COL27A1: variants seen among roughly 807,000 people sequenced by gnomAD.
The protein encoded by COL27A1 is collagen type XXVII alpha 1 chain.
Under a neutral mutation model 251.3 loss-of-function variants are expected in COL27A1, and 106 were observed. That is an observed-to-expected ratio of 0.42 (90% CI 0.36 to 0.50). COL27A1 has a LOEUF of 0.50. Among genes scored for constraint, COL27A1 ranks in the 20% least tolerant of loss-of-function variants. COL27A1 has a pLI of 0.00. For missense variants in COL27A1, 2,325 were observed against 2,522.8 expected (o/e 0.92, Z 1.68); for synonymous variants, 1,000 against 986.3 (o/e 1.01, Z -0.26).
chr9:114,215,150 C>T (rs933236700), intron 12 of COL27A1, among the ~76,000 whole-genome samples: 2 of 152,204 alleles, frequency 1.3e-5, no homozygotes, highest in African/African-American at 4.8e-5. Context: ...GCCCTGGCAC[C>T]GACTCCCTGG....
At chr9:114,267,659 G>C in intron 34 of COL27A1, 102 bp downstream of exon 34, 1 of 1,084,066 alleles carries the variant, frequency 9.2e-7, no homozygotes. Flanking sequence ...TCTTGTGGCT[G>C]GGATAATGGG....
chr9:114,169,150 G>A lies in COL27A1; in HGVS notation c.1595G>A (p.Gly532Glu), dbSNP rs1349250809. The change falls in exon 3 of 61, where the codon GGA becomes GAA. Residue 532 changes from glycine to glutamate, a missense_variant. Coordinates refer to ENST00000356083, the MANE Select transcript of COL27A1 (RefSeq NM_032888.4). ...CCCACTCCTGGCTCAGCTCCCACTGGAAGCAAGAAGCCCATTGGATCGGAA... is the reference window on the plus strand; with the variant it reads ...CCCACTCCTGGCTCAGCTCCCACTGAAAGCAAGAAGCCCATTGGATCGGAA... ...AVPTPGSAPT[G>E]SKKPIGSEAS... 6.2e-6 allele frequency: 10 copies of A among 1,614,084 alleles called. No homozygotes were observed. In the East Asian group the frequency reaches 2.0e-4, roughly 32 times the overall value.
At chr9:114,205,341 G>C (rs1433070498) in intron 8 of COL27A1, among the ~76,000 whole-genome samples, 195 bp downstream of exon 8, 5 of 152,220 alleles carry the variant, frequency 3.3e-5, no homozygotes, top group Admixed American at 6.5e-5. Flanking sequence ...GCCCAAAAGA[G>C]CCAGAGTCCA....
chr9:114,232,439 C>G (rs1372454480), intron 16 of COL27A1, among the ~76,000 whole-genome samples: 2 of 152,192 alleles, frequency 1.3e-5, no homozygotes, highest in African/African-American at 4.8e-5. Context: ...GCCCTGGGGG[C>G]CCAGAGCAAA....
rs1334543071 is a variant in COL27A1 at position 114,264,829 on chromosome 9, C to T, written c.3250-95C>T. 27 of 1,331,534 alleles carry T rather than the reference C, an allele frequency of 2.0e-5. 1 individual carries two copies. Among genetic ancestry groups the T allele is most frequent in the South Asian group, 6.8e-5 (5 of 74,038 alleles). The allele number at this position is 1,331,534 out of a possible 1,614,324, so 82.5% of individuals were successfully genotyped here. A position where few individuals can be genotyped will look rare whatever the true frequency, so the allele number is the denominator to read the frequency against. ...AGGGGGCAGACTCTGTGGCCTCAAACGGGTTCCTTTTATCTCCCATGTGGA... is the reference window on the plus strand; with the variant it reads ...AGGGGGCAGACTCTGTGGCCTCAAATGGGTTCCTTTTATCTCCCATGTGGA... On this transcript the variant is annotated intron_variant, in intron 29 of 60. Coordinates refer to ENST00000356083, the MANE Select transcript of COL27A1 (RefSeq NM_032888.4).
Position 114,155,993 on chromosome 9 carries a change from G to T in COL27A1, c.43G>T (p.Ala15Ser). 1 of 1,295,934 alleles carries T rather than the reference G, an allele frequency of 7.7e-7. No homozygotes were observed. The allele number at this position is 1,295,934 out of a possible 1,614,324, so 80.3% of individuals were successfully genotyped here. A position where few individuals can be genotyped will look rare whatever the true frequency, so the allele number is the denominator to read the frequency against. Residue 15 changes from alanine (A) to serine (S), a missense_variant, in exon 1 of 61, where the codon GCG (alanine) becomes TCG (serine). Physicochemically the swap from Ala to Ser is moderately conservative, Grantham distance 99. Transcript: ENST00000356083. The surrounding 1 kb of genome is among the most constrained non-coding windows in gnomAD (Gnocchi z 5.5). The part of the protein sequence containing the change: ...SARGARGTAA[A>S]AAARGGGFLF... ...GCGGGGGGCCCGAGGCACAGCGGCG[G>T]CGGCGGCGGCGCGCGGGGGGTGAGT... is the stretch of plus-strand genomic sequence containing the variant.
chr9:114,168,549 G>A lies in COL27A1; in HGVS notation c.994G>A (p.Ala332Thr), dbSNP rs759104028. 1.4e-5 allele frequency: 23 copies of A among 1,613,860 alleles called. No individual in the cohort carries two copies. Among genetic ancestry groups the A allele is most frequent in the Non-Finnish European group, 1.8e-5 (21 of 1,179,934 alleles). ...LLPAKLSASNALDPMLPASVG... is the reference protein window; with the variant it reads ...LLPAKLSASNTLDPMLPASVG... Reference sequence around the variant, plus strand: ...ACCTGCCAAGCTGTCAGCCAGTAACGCACTTGATCCCATGCTCCCAGCCTC... The same window carrying A: ...ACCTGCCAAGCTGTCAGCCAGTAACACACTTGATCCCATGCTCCCAGCCTC... The change falls in exon 3 of 61, where the codon GCA becomes ACA. Residue 332 changes from alanine (A) to threonine (T), a missense_variant. By Grantham distance (58) the Ala-to-Thr change is moderately conservative. This residue lies in a region of COL27A1 where 1,183 missense variants were observed against 1,144.1 expected (regional missense o/e 1.03). Coordinates refer to ENST00000356083, the MANE Select transcript of COL27A1 (RefSeq NM_032888.4).
chr9:114,246,099 G>T (rs931482890), intron 24 of COL27A1, 189 bp downstream of exon 24: 4 of 541,262 alleles, frequency 7.4e-6, no homozygotes, highest in Non-Finnish European at 9.8e-6. Context: ...GTCTGTAAAT[G>T]AGAAAGCTGT....
chr9:114,235,523 G>GC (rs1186535822), intron 16 of COL27A1, 76 bp from the exon 17 acceptor site: 2 of 1,120,946 alleles, frequency 1.8e-6, no homozygotes, highest in Non-Finnish European at 2.7e-6. Flanking sequence ...GCTGTACCTC[G>GC]CCAGGGGGTC....
At chr9:114,175,380 T>C (rs1335365863) in intron 3 of COL27A1, among the ~76,000 whole-genome samples, 2 of 152,202 alleles carry the variant, frequency 1.3e-5, no homozygotes, top group Non-Finnish European at 2.9e-5. Context: ...GCAGCGTTTT[T>C]CCACTGCGGA....
chr9:114,226,674 C>T (rs761688988), intron 14 of COL27A1, among the ~76,000 whole-genome samples: 1 of 152,262 alleles, frequency 6.6e-6, no homozygotes, highest in Non-Finnish European at 1.5e-5. Context: ...CCGAACCCGC[C>T]TGGCATTGTT....
intron 23 of COL27A1, among the ~76,000 whole-genome samples, chr9:114,245,148 G>GTTTTT (rs779029948): frequency 3.0e-5 from 3 of 101,334 alleles, no homozygotes; most frequent in African/African-American, 7.7e-5. Context: ...GTGCATTCTT[G>GTTTTT]TTTTTTTTTT....
At chr9:114,157,782 A>T (rs1390918893) in intron 1 of COL27A1, among the ~76,000 whole-genome samples, 5 of 151,678 alleles carry the variant, frequency 3.3e-5, no homozygotes, top group African/African-American at 1.2e-4. Flanking sequence ...TTGAATCCTA[A>T]CTCTGCTGTG....
intron 12 of COL27A1, among the ~76,000 whole-genome samples, chr9:114,215,929 A>T (rs2135363075): frequency 6.6e-6 from 1 of 152,272 alleles, no homozygotes; most frequent in East Asian, 1.9e-4. Context: ...TAGGAGCATG[A>T]GGGGGACTTT....
rs1298186603 is a variant in COL27A1 at position 114,290,946 on chromosome 9, C to T, written c.4476+29C>T. On this transcript the variant is annotated intron_variant, in intron 48 of 60. Coordinates refer to ENST00000356083, the MANE Select transcript of COL27A1 (RefSeq NM_032888.4). This position sits in a 1 kb window ranked among gnomAD's most constrained non-coding sequence, Gnocchi z 4.6. ...AGATACCTCTTAATACACTTACCCA[C>T]CCTCTGCCCTTTCTGCCTTGATGCA... The T allele has an allele frequency of 1.4e-5, 21 of 1,489,258 alleles. No individual in the cohort carries two copies. In the African/African-American group the frequency reaches 2.9e-4, roughly 21 times the overall value. 92.3% of individuals were successfully genotyped at this position (1,489,258 alleles called of 1,614,324 possible).
chr9:114,213,754 A>G (rs1158347617), intron 12 of COL27A1, among the ~76,000 whole-genome samples: 1 of 152,026 alleles, frequency 6.6e-6, no homozygotes, highest in Non-Finnish European at 1.5e-5. Flanking sequence ...GATTATCCCC[A>G]TTTTCCAGAT....
At position 114,167,864 on chromosome 9, in the gene COL27A1, C is replaced by T. The variant is rs767523424; in HGVS notation, c.309C>T (p.Ser103=). ...GCACAGAGCTGGCACTGGTGCTGAG[C>T]CTCTGCTCCCACCGGGTGAACCATG... ...ALGTELALVL[S]LCSHRVNHAF... Residue 103 remains serine, a synonymous_variant, in exon 3 of 61, where the codon AGC becomes AGT. Coordinates refer to ENST00000356083, the MANE Select transcript of COL27A1 (RefSeq NM_032888.4). 6.2e-7 allele frequency: 1 copy of T among 1,613,530 alleles called. No individual in the cohort carries two copies. Among genetic ancestry groups the T allele is most frequent in the Non-Finnish European group, 8.5e-7 (1 of 1,179,994 alleles).
chr9:114,177,112 G>A (rs7875053), intron 3 of COL27A1, among the ~76,000 whole-genome samples: 19,459 of 152,234 alleles, frequency 0.13, 1,352 homozygotes, highest in South Asian at 0.14. Context: ...TTACTCCTTC[G>A]AGGTAAATGC....
chr9:114,240,916 A>G (rs1475843176), intron 21 of COL27A1, among the ~76,000 whole-genome samples: 2 of 152,336 alleles, frequency 1.3e-5, no homozygotes, highest in African/African-American at 2.4e-5. Context: ...CAGGGCTGCA[A>G]TGGGAACCCA....
Sources: allele counts gnomAD v4.1 joint callset (sites outside exome capture counted in the v4.1 genomes callset), GRCh38; gene constraint gnomAD v4.1.1; regional missense constraint gnomAD v4.1.1; non-coding constraint Gnocchi (gnomAD v3.1); transcripts MANE v1.5; gene names NCBI Gene and HGNC (gene_info 2026-07-23, HGNC 2026-07-21).